Variants in PKN2 observed in about 807,000 individuals in gnomAD.
The protein encoded by PKN2 is serine/threonine-protein kinase N2.
In PKN2, 38 loss-of-function variants were observed where a neutral mutation model predicts 119.1. That is an observed-to-expected ratio of 0.32 (90% CI 0.25 to 0.42). The LOEUF (loss-of-function observed/expected upper bound fraction) is 0.42, where lower values mean the gene tolerates loss of function less well. Among genes scored for constraint, PKN2 ranks in the 10% least tolerant of loss-of-function variants. PKN2 has a pLI of 1.00. For synonymous variants in PKN2, 390 were observed against 384.9 expected (o/e 1.01, Z -0.15); for missense variants, 850 against 1,165.1 (o/e 0.73, Z 3.94).
chr1:88,769,567 TAGC>T (rs1669802437), intron 3 of PKN2, among the ~76,000 whole-genome samples: 1 of 152,206 alleles, frequency 6.6e-6, no homozygotes. Context: ...CAGTATCTGT[TAGC>T]AGATAAATGG....
intron 6 of PKN2, among the ~76,000 whole-genome samples, chr1:88,776,204 C>T (rs1013942241): frequency 2.2e-5 from 3 of 136,928 alleles, no homozygotes; most frequent in Non-Finnish European, 3.2e-5. Flanking sequence ...CCTCCCTCCC[C>T]CTCCCCCTAC....
At chr1:88,767,236 A>C (rs1489660865) in intron 3 of PKN2, among the ~76,000 whole-genome samples, 1 of 152,188 alleles carries the variant, frequency 6.6e-6, no homozygotes, top group African/African-American at 2.4e-5. Context: ...ATTTAAGAGA[A>C]TGGTATCACA....
chr1:88,829,693 C>T (rs1672656322), intron 19 of PKN2, among the ~76,000 whole-genome samples: 1 of 152,030 alleles, frequency 6.6e-6, no homozygotes, highest in African/African-American at 2.4e-5. Flanking sequence ...TTGAAGATTA[C>T]TTGAAGGGAC....
chr1:88,708,928 T>A (rs1667111256), intron 1 of PKN2, among the ~76,000 whole-genome samples: 1 of 149,796 alleles, frequency 6.7e-6, no homozygotes, highest in Non-Finnish European at 1.5e-5. Flanking sequence ...AGTATGATTC[T>A]TTTTTTTTTC....
chr1:88,710,495 A>G (rs1440104457), intron 1 of PKN2, among the ~76,000 whole-genome samples: 2 of 152,228 alleles, frequency 1.3e-5, no homozygotes, highest in Non-Finnish European at 2.9e-5. Flanking sequence ...AAAAGACACA[A>G]TTGAAACACA....
At chr1:88,763,769 G>A (rs1669545300) in intron 3 of PKN2, among the ~76,000 whole-genome samples, 4 of 152,168 alleles carry the variant, frequency 2.6e-5, no homozygotes, top group Non-Finnish European at 4.4e-5. Context: ...GTGAAGATAA[G>A]AGTCATACTT....
At chr1:88,805,758 C>T (rs897102458) in intron 11 of PKN2, 87 bp downstream of exon 11, 26 of 1,597,990 alleles carry the variant, frequency 1.6e-5, no homozygotes, top group Non-Finnish European at 2.2e-5. Flanking sequence ...CTGAGTCTTG[C>T]TTTTTTCCCA....
At chr1:88,693,877 G>A (rs980091020) in intron 1 of PKN2, among the ~76,000 whole-genome samples, 1 of 149,652 alleles carries the variant, frequency 6.7e-6, no homozygotes, top group Admixed American at 6.6e-5. Context: ...TCCCTATCCT[G>A]GGTTTAAAAG....
In PKN2 at chr1:88,685,471, A is replaced by G. The variant is rs79677217; in HGVS notation, c.48+843A>G. On this transcript the variant is annotated intron_variant, in intron 1 of 21. Transcript: ENST00000370521. Reference sequence around the variant, plus strand: ...TCTGCAAAAGATGAGAGCAAAGTAGATCGCTTAGTTAAGTCATGTCGAGTA... The same window carrying G: ...TCTGCAAAAGATGAGAGCAAAGTAGGTCGCTTAGTTAAGTCATGTCGAGTA... 4.4e-3 allele frequency among the ~76,000 whole-genome samples: 668 copies of G among 152,286 alleles called. 12 individuals are homozygous for G. The East Asian group carries it at 0.048, about 11-fold the overall frequency.
chr1:88,709,277 A>G (rs1454266399), intron 1 of PKN2, among the ~76,000 whole-genome samples: 1 of 151,996 alleles, frequency 6.6e-6, no homozygotes, highest in African/African-American at 2.4e-5. Flanking sequence ...CTGGTTTCAA[A>G]TTCCTGACCT....
At chr1:88,803,748 A>T (rs141805273) in intron 8 of PKN2, among the ~76,000 whole-genome samples, 1 of 152,276 alleles carries the variant, frequency 6.6e-6, no homozygotes, top group East Asian at 1.9e-4. Context: ...TGCTTTTTAA[A>T]TTATGTTTTA....
At position 88,726,187 on chromosome 1, in the gene PKN2, C is replaced by T. The variant is rs370880954; in HGVS notation, c.49-14801C>T. On this transcript the variant is annotated intron_variant, in intron 1 of 21. Coordinates refer to ENST00000370521, the MANE Select transcript of PKN2 (RefSeq NM_006256.4). ...AGTTTATATGCTTTTTATTAACTTA[C>T]TGTAGTGGATAGAATGTCTGATATT... Among the ~76,000 whole-genome samples, 4 of 152,218 alleles carry T rather than the reference C, an allele frequency of 2.6e-5. No individual in the cohort carries two copies. In the East Asian group the frequency reaches 7.7e-4, roughly 29 times the overall value.
At chr1:88,763,605 C>G (rs1272344928) in intron 3 of PKN2, among the ~76,000 whole-genome samples, 7 of 78,668 alleles carry the variant, frequency 8.9e-5, no homozygotes, top group Non-Finnish European at 1.5e-4. Flanking sequence ...AAAACTCCAT[C>G]TCAAAAAAAA....
chr1:88,792,127 G>A (rs1052244694), intron 8 of PKN2, among the ~76,000 whole-genome samples: 2 of 152,150 alleles, frequency 1.3e-5, no homozygotes, highest in African/African-American at 2.4e-5. Flanking sequence ...CATGTCGGCC[G>A]GGTGCGTTGG....
chr1:88,717,822 A>G (rs976420106), intron 1 of PKN2, among the ~76,000 whole-genome samples: 2 of 151,968 alleles, frequency 1.3e-5, no homozygotes. Context: ...TTCTCCATCC[A>G]TCTTTGTTCT....
intron 15 of PKN2, among the ~76,000 whole-genome samples, chr1:88,808,522 T>C (rs930568049): frequency 6.6e-6 from 1 of 152,092 alleles, no homozygotes; most frequent in Non-Finnish European, 1.5e-5. Flanking sequence ...GCCAGGATGG[T>C]CTCGATCTCC....
intron 2 of PKN2, among the ~76,000 whole-genome samples, chr1:88,751,178 A>G (rs939141998): frequency 4.6e-5 from 7 of 151,694 alleles, no homozygotes; most frequent in African/African-American, 1.5e-4. Context: ...TTACCTCTCT[A>G]TACTTAGGCA....
chr1:88,690,179 C>T (rs1440378239), intron 1 of PKN2, among the ~76,000 whole-genome samples: 1 of 152,168 alleles, frequency 6.6e-6, no homozygotes, highest in African/African-American at 2.4e-5. Flanking sequence ...ACCTTTTAGA[C>T]ATCATCTCTT....
chr1:88,770,110 A>G (rs1382054134), intron 3 of PKN2, among the ~76,000 whole-genome samples: 1 of 152,210 alleles, frequency 6.6e-6, no homozygotes, highest in Non-Finnish European at 1.5e-5. Flanking sequence ...ACACAGCCAT[A>G]ATAAGATTTC....
Sources: allele counts gnomAD v4.1 joint callset (sites outside exome capture counted in the v4.1 genomes callset), GRCh38; gene constraint gnomAD v4.1.1; transcripts MANE v1.5; gene names NCBI Gene and HGNC (gene_info 2026-07-23, HGNC 2026-07-21).